FYB1: variants seen among roughly 807,000 people sequenced by gnomAD.
FYB1 encodes the protein FYN-binding protein 1.
FYB1 carries 41 observed loss-of-function variants against 94.1 expected under a neutral mutation model. That is an observed-to-expected ratio of 0.44 (90% CI 0.34 to 0.57). FYB1 has a LOEUF of 0.57. Ranked by LOEUF, FYB1 falls within the 20% of genes least tolerant of loss-of-function variation. FYB1 has a pLI of 0.02. For synonymous variants in FYB1, 367 were observed against 353.2 expected (o/e 1.04, Z -0.44); for missense variants, 1,050 against 976.8 (o/e 1.07, Z -1.00).
rs1488434488 is a variant in FYB1 at position 39,202,510 on chromosome 5, G to C, written c.451C>G (p.Leu151Val). 4 of 1,614,006 alleles carry C rather than the reference G, an allele frequency of 2.5e-6. No individual in the cohort carries two copies. In the Admixed American group the frequency reaches 5.0e-5, roughly 20 times the overall value. ...GGAGTAGGCCCAGATTTCGGGCCTA[G>C]TGGCTTTAAGTCATGGTCTTGGTTT... is the stretch of plus-strand genomic sequence containing the variant. ...SVNQDHDLKP[L>V]GPKSGPTPPT... is the part of the protein sequence containing the mutation. The change falls in exon 2 of 19, where the codon CTA (leucine) becomes GTA (valine). Residue 151 changes from leucine to valine, a missense_variant. By Grantham distance (32) the Leu-to-Val change is conservative. Coordinates refer to ENST00000512982, the MANE Select transcript of FYB1 (RefSeq NM_001465.6).
chr5:39,194,932 T>C (rs1747697446), intron 2 of FYB1, among the ~76,000 whole-genome samples: 1 of 152,112 alleles, frequency 6.6e-6, no homozygotes, highest in South Asian at 2.1e-4. Context: ...GGGCTCGGGC[T>C]GGAGTAAAAA....
chr5:39,186,198 G>A (rs767626662), intron 2 of FYB1, among the ~76,000 whole-genome samples: 1 of 152,130 alleles, frequency 6.6e-6, no homozygotes, highest in African/African-American at 2.4e-5. Context: ...GGCGAAGGCG[G>A]GAGGATCACC....
intron 1 of FYB1, among the ~76,000 whole-genome samples, chr5:39,265,465 C>CA (rs1167261689): frequency 5.7e-5 from 8 of 140,694 alleles, no homozygotes; most frequent in South Asian, 4.6e-4. Flanking sequence ...GCCTGGGCGA[C>CA]AGAGCAAGAC....
intron 1 of FYB1, among the ~76,000 whole-genome samples, chr5:39,271,020 T>C (rs1752649462): frequency 6.6e-6 from 1 of 152,072 alleles, no homozygotes; most frequent in South Asian, 2.1e-4. Context: ...GTGGATATAT[T>C]ATTATAAATA....
chr5:39,111,043 G>A (rs1048269900), intron 16 of FYB1, among the ~76,000 whole-genome samples: 5 of 151,912 alleles, frequency 3.3e-5, no homozygotes, highest in African/African-American at 9.7e-5. Flanking sequence ...ATTCTATGAT[G>A]CCTGGTTAAG....
chr5:39,184,859 G>A (rs1365985206), intron 2 of FYB1, among the ~76,000 whole-genome samples: 1 of 151,988 alleles, frequency 6.6e-6, no homozygotes, highest in Non-Finnish European at 1.5e-5. Context: ...TGCACAACCT[G>A]TTCTAACTTA....
At chr5:39,132,155 G>A (rs1003364387) in intron 9 of FYB1, among the ~76,000 whole-genome samples, 2 of 152,136 alleles carry the variant, frequency 1.3e-5, no homozygotes, top group Admixed American at 6.6e-5. Flanking sequence ...AACTGCTCCC[G>A]GAGTTTGAAG....
intron 12 of FYB1, among the ~76,000 whole-genome samples, chr5:39,125,128 T>C (rs1740516788): frequency 6.6e-6 from 1 of 152,090 alleles, no homozygotes; most frequent in Admixed American, 6.6e-5. Context: ...ATTTGAGTAA[T>C]GCTGCTCAAG....
intron 1 of FYB1, among the ~76,000 whole-genome samples, chr5:39,212,512 C>A (rs546886980): frequency 2.7e-4 from 41 of 152,242 alleles, no homozygotes; most frequent in Non-Finnish European, 5.1e-4. Flanking sequence ...CTCAACCCTC[C>A]CCCTTGTTCC....
At chr5:39,250,187 G>T (rs894958543) in intron 1 of FYB1, among the ~76,000 whole-genome samples, 17 of 152,290 alleles carry the variant, frequency 1.1e-4, no homozygotes, top group African/African-American at 3.8e-4. Flanking sequence ...AGTCTCGGCA[G>T]TTCTTTATGG....
intron 1 of FYB1, among the ~76,000 whole-genome samples, chr5:39,209,353 G>A (rs1447721868): frequency 2.7e-5 from 4 of 148,504 alleles, no homozygotes; most frequent in African/African-American, 9.9e-5. Flanking sequence ...TTGAGACGGA[G>A]CCTCCCTCTA....
At position 39,228,836 on chromosome 5, in the gene FYB1, TG is replaced by T. The variant is rs549035278; in HGVS notation, c.-27-25850del. On this transcript the variant is annotated intron_variant, in intron 1 of 1. Transcript: ENST00000510188. ...TTATGATGTAATCTTTCCTCTTTTT[TG>T]GTTCTGAGAGCTAATAAATTTTAAA... Among the ~76,000 whole-genome samples, 416 of 152,338 alleles carry T rather than the reference TG, an allele frequency of 2.7e-3. 2 individuals carry two copies. The highest frequency in any genetic ancestry group is 0.01 in the Middle Eastern group (3 of 294).
intron 15 of FYB1, 32 bp from the exon 16 acceptor site, chr5:39,119,068 G>A: frequency 9.3e-7 from 1 of 1,076,954 alleles, no homozygotes; most frequent in Non-Finnish European, 1.3e-6. Context: ...TTAAATTATT[G>A]GTTTATGTGC....
chr5:39,203,037 C>T, intron 1 of FYB1, 50 bp from the exon 2 acceptor site: 2 of 1,538,936 alleles, frequency 1.3e-6, no homozygotes, highest in Non-Finnish European at 1.8e-6. Context: ...GTCTTACTTG[C>T]ACAGTTTAAA....
At chr5:39,209,991 G>A (rs1003566392) in intron 1 of FYB1, among the ~76,000 whole-genome samples, 1 of 152,234 alleles carries the variant, frequency 6.6e-6, no homozygotes, top group African/African-American at 2.4e-5. Context: ...AGGCTGGAGA[G>A]AGCACCAGGC....
intron 1 of FYB1, among the ~76,000 whole-genome samples, chr5:39,231,157 A>AC (rs1750721664): frequency 1.7e-5 from 2 of 118,468 alleles, no homozygotes; most frequent in South Asian, 2.7e-4. Flanking sequence ...CAAAAAAAAA[A>AC]AAAACAAAAA....
At chr5:39,140,356 C>A (rs1742061963) in intron 4 of FYB1, among the ~76,000 whole-genome samples, 1 of 151,842 alleles carries the variant, frequency 6.6e-6, no homozygotes, top group African/African-American at 2.4e-5. Flanking sequence ...AAGAAGAAAC[C>A]ACAAAGGCTT....
chr5:39,249,026 T>C (rs1751602929), intron 1 of FYB1, among the ~76,000 whole-genome samples: 1 of 152,208 alleles, frequency 6.6e-6, no homozygotes, highest in African/African-American at 2.4e-5. Context: ...AGCCACAATT[T>C]AAATGCTCAA....
At position 39,256,616 on chromosome 5, in the gene FYB1, C is replaced by T. The variant is rs559948286; in HGVS notation, c.-28+17787G>A. 1.1e-4 allele frequency among the ~76,000 whole-genome samples: 17 copies of T among 152,264 alleles called. No homozygotes were observed. The South Asian group carries it at 2.3e-3, about 20-fold the overall frequency. On this transcript the variant is annotated intron_variant, in intron 1 of 1. Transcript: ENST00000510188. ...TTTGCTTAGAAATCGGAAGCTACGA[C>T]GATTTCACCCTCACAGTCTTTTTTG...
Sources: gnomAD v4.1 joint callset for allele counts (sites outside exome capture counted in the v4.1 genomes callset) on GRCh38, gnomAD v4.1.1 for gene constraint, MANE v1.5 for transcripts, NCBI Gene and HGNC (gene_info 2026-07-23, HGNC 2026-07-21) for gene names.